Variants in EYA2 observed in about 807,000 individuals in gnomAD.
EYA2 encodes the protein protein phosphatase EYA2.
EYA2 carries 31 observed loss-of-function variants against 69.2 expected under a neutral mutation model. The ratio of observed to expected loss-of-function variants is 0.45; its 90% CI spans 0.34 to 0.60. EYA2 has a LOEUF of 0.60. EYA2 is among the 20% of genes least tolerant of loss of function. The pLI is 0.02. For missense variants in EYA2, 622 were observed against 701.2 expected, an observed-to-expected ratio of 0.89 and a Z score of 1.28; for synonymous variants, 257 against 279.4, an observed-to-expected ratio of 0.92 and a Z score of 0.80.
chr20:47,115,999 A>G (rs763434987), intron 9 of EYA2, among the ~76,000 whole-genome samples: 2 of 151,922 alleles, frequency 1.3e-5, no homozygotes, highest in Non-Finnish European at 2.9e-5. Context: ...CCTTAGTCTA[A>G]CCAGTGTTGC....
chr20:47,092,696 T>C (rs745831976), intron 8 of EYA2, among the ~76,000 whole-genome samples: 4 of 152,126 alleles, frequency 2.6e-5, no homozygotes, highest in East Asian at 1.9e-4. Flanking sequence ...TAGGGTGATA[T>C]TATTCTGGAA....
chr20:47,054,274 A>G (rs2030491178), intron 5 of EYA2, among the ~76,000 whole-genome samples: 1 of 152,160 alleles, frequency 6.6e-6, no homozygotes, highest in Admixed American at 6.5e-5. Context: ...TATTTGTGGA[A>G]TAAATGGCAT....
chr20:46,959,686 G>A (rs989261081), intron 1 of EYA2, among the ~76,000 whole-genome samples: 2 of 152,052 alleles, frequency 1.3e-5, no homozygotes, highest in East Asian at 3.9e-4. Flanking sequence ...TCCTTCAATT[G>A]CTCCCCATCT....
intron 10 of EYA2, among the ~76,000 whole-genome samples, chr20:47,165,069 G>A (rs556707379): frequency 3.0e-4 from 46 of 152,298 alleles, no homozygotes; most frequent in Non-Finnish European, 5.4e-4. Context: ...TGTAGCTCTT[G>A]AGCACTTGAA....
intron 1 of EYA2, among the ~76,000 whole-genome samples, chr20:46,970,178 G>A (rs1298159881): frequency 2.0e-5 from 3 of 152,242 alleles, no homozygotes; most frequent in African/African-American, 7.2e-5. Context: ...AAGCGCGACT[G>A]AAGCGCGGTG....
intron 7 of EYA2, among the ~76,000 whole-genome samples, chr20:47,084,516 G>A (rs911600074): frequency 2.0e-5 from 3 of 152,142 alleles, no homozygotes; most frequent in African/African-American, 7.2e-5. Context: ...ACTTCAGCCT[G>A]ACAGAGTGAG....
At chr20:46,963,005 C>G (rs1037478300) in intron 1 of EYA2, among the ~76,000 whole-genome samples, 1 of 152,228 alleles carries the variant, frequency 6.6e-6, no homozygotes, top group African/African-American at 2.4e-5. Flanking sequence ...AATACCACTG[C>G]TCCCTCGCTC....
At chr20:47,006,333 A>T (rs768885033) in intron 4 of EYA2, among the ~76,000 whole-genome samples, 3 of 152,204 alleles carry the variant, frequency 2.0e-5, no homozygotes. Context: ...TGGTTCACAA[A>T]GGAGAAGGAG....
At position 47,154,957 on chromosome 20, in the gene EYA2, T is replaced by C. The variant is rs776278397; in HGVS notation, c.978+11809T>C. Among the ~76,000 whole-genome samples the C allele has an allele frequency of 5.8e-4, 88 of 151,056 alleles. 1 individual carries two copies. The Middle Eastern group carries it at 0.027, about 47-fold the overall frequency. ...ACCTCCCTGGTTCAAGCAATTCTCA[T>C]GCCTCAGCCTCCCGAGTAGTTGGGA... On this transcript the variant is annotated intron_variant, in intron 10 of 15. Transcript: ENST00000327619.
At chr20:47,176,246 A>G (rs1402385603) in intron 12 of EYA2, among the ~76,000 whole-genome samples, 1 of 150,496 alleles carries the variant, frequency 6.6e-6, no homozygotes, top group Non-Finnish European at 1.5e-5. Context: ...TGCCCGGCTA[A>G]TTTTTGTATT....
chr20:47,177,618 G>T (rs1344548857), intron 12 of EYA2, among the ~76,000 whole-genome samples: 1 of 152,238 alleles, frequency 6.6e-6, no homozygotes, highest in African/African-American at 2.4e-5. Context: ...GGGGCACGTG[G>T]TCCAGGACAG....
At chr20:46,990,164 T>A in intron 2 of EYA2, 45 bp downstream of exon 2, 1 of 1,016,992 alleles carries the variant, frequency 9.8e-7, no homozygotes, top group Non-Finnish European at 1.6e-6. Context: ...GTGGTGGTCC[T>A]AGGTCACCCT....
At chr20:47,150,885 C>T (rs1028856493) in intron 10 of EYA2, among the ~76,000 whole-genome samples, 5 of 151,938 alleles carry the variant, frequency 3.3e-5, no homozygotes, top group African/African-American at 1.2e-4. Context: ...CCACACCTTC[C>T]AAGGCAAGGG....
intron 5 of EYA2, among the ~76,000 whole-genome samples, chr20:47,030,758 G>A (rs560930046): frequency 5.4e-4 from 82 of 152,070 alleles, no homozygotes; most frequent in Non-Finnish European, 9.0e-4. Context: ...AGAAATCTCC[G>A]GTGTCTCCTT....
chr20:47,185,653 A>G (rs1022391246), intron 15 of EYA2, among the ~76,000 whole-genome samples: 1 of 152,056 alleles, frequency 6.6e-6, no homozygotes, highest in Non-Finnish European at 1.5e-5. Flanking sequence ...ACCAGAATCT[A>G]TCTTTGCAAA....
chr20:46,896,116 C>T (rs1289289056), intron 1 of EYA2, among the ~76,000 whole-genome samples: 6 of 152,114 alleles, frequency 3.9e-5, no homozygotes. Flanking sequence ...AGTGGAAGAG[C>T]TGAACATTGG....
chr20:46,905,422 A>G (rs1344680419), intron 1 of EYA2, among the ~76,000 whole-genome samples: 1 of 152,148 alleles, frequency 6.6e-6, no homozygotes, highest in Non-Finnish European at 1.5e-5. Context: ...CTATTCTTAC[A>G]TTTCAATAGC....
At chr20:47,047,343 A>G (rs945841231) in intron 5 of EYA2, among the ~76,000 whole-genome samples, 1 of 152,154 alleles carries the variant, frequency 6.6e-6, no homozygotes, top group Admixed American at 6.5e-5. Flanking sequence ...AAAGTGGGCT[A>G]AGCCTAAGAA....
At chr20:46,954,603 G>A (rs964780126) in intron 1 of EYA2, among the ~76,000 whole-genome samples, 3 of 152,184 alleles carry the variant, frequency 2.0e-5, no homozygotes, top group Admixed American at 1.3e-4. Flanking sequence ...CCATGCCGAT[G>A]AGTGGCCAGT....
Sources: gnomAD v4.1 joint callset for allele counts (sites outside exome capture counted in the v4.1 genomes callset) on GRCh38, gnomAD v4.1.1 for gene constraint, MANE v1.5 for transcripts, NCBI Gene and HGNC (gene_info 2026-07-23, HGNC 2026-07-21) for gene names.